The following MYRFL variants were observed in gnomAD, a reference collection of about 807,000 sequenced individuals.
The protein encoded by MYRFL is myelin regulatory factor like, also known as myelin regulatory factor-like protein.
MYRFL carries 88 observed loss-of-function variants against 109.4 expected under a neutral mutation model. The observed-to-expected ratio is 0.80, with a 90% CI of 0.68 to 0.96. The LOEUF is 0.96. Among genes scored for constraint, MYRFL ranks in the 40% least tolerant of loss-of-function variants. MYRFL has a pLI of 0.00. For synonymous variants in MYRFL, 324 were observed against 320.9 expected (o/e 1.01, Z -0.10); for missense variants, 957 against 954.9 (o/e 1.00, Z -0.03).
At chr12:69,912,078 A>G (rs10879053) in intron 13 of MYRFL, among the ~76,000 whole-genome samples, 54,166 of 151,940 alleles carry the variant, frequency 0.36, 10,488 homozygotes, top group African/African-American at 0.5. Flanking sequence ...CCTACCAGCC[A>G]CTGTACCACA....
intron 1 of MYRFL, among the ~76,000 whole-genome samples, chr12:69,835,595 T>C (rs376295851): frequency 8.5e-5 from 13 of 152,330 alleles, no homozygotes; most frequent in African/African-American, 2.9e-4. Flanking sequence ...GTTCTGTATA[T>C]GTAGTGGATT....
At chr12:69,888,865 A>C (rs2136336960) in intron 6 of MYRFL, among the ~76,000 whole-genome samples, 1 of 152,356 alleles carries the variant, frequency 6.6e-6, no homozygotes, top group African/African-American at 2.4e-5. Flanking sequence ...TGAGTCAATA[A>C]GCAGTTTCCA....
At chr12:69,913,676 C>G (rs1422345931) in intron 13 of MYRFL, among the ~76,000 whole-genome samples, 1 of 152,142 alleles carries the variant, frequency 6.6e-6, no homozygotes, top group Non-Finnish European at 1.5e-5. Context: ...TATGCCAGTA[C>G]CACACTGTTT....
chr12:69,926,627 C>A lies in MYRFL; in HGVS notation c.1659C>A (p.Asn553Lys), dbSNP rs1452899162. The A allele has an allele frequency of 6.5e-7, 1 of 1,528,728 alleles. No individual in the cohort carries two copies. The highest frequency in any genetic ancestry group is 1.4e-5 in the African/African-American group (1 of 72,796). The allele number at this position is 1,528,728 out of a possible 1,614,324, so 94.7% of individuals were successfully genotyped here. ...GAVKQLCKLT[N>K]NLEERIEELE... Reference sequence around the variant, plus strand: ...TGAAGCAACTGTGCAAACTAACTAACAACCTTGAGGAAAGAATAGAAGAGT... The same window carrying A: ...TGAAGCAACTGTGCAAACTAACTAAAAACCTTGAGGAAAGAATAGAAGAGT... The change falls in exon 14 of 25, where the codon AAC becomes AAA. Residue 553 changes from asparagine to lysine, a missense_variant. Transcript: ENST00000552032.
At chr12:69,887,092 T>G (rs961952204) in intron 6 of MYRFL, 122 bp downstream of exon 6, 11 of 1,042,086 alleles carry the variant, frequency 1.1e-5, no homozygotes, top group Non-Finnish European at 1.5e-5. Context: ...AGTGAGAAAG[T>G]GTCTGTCTTA....
At chr12:69,912,027 AG>A (rs1406544093) in intron 13 of MYRFL, among the ~76,000 whole-genome samples, 1 of 152,216 alleles carries the variant, frequency 6.6e-6, no homozygotes, top group East Asian at 1.9e-4. Context: ...GCAGCAAAGC[AG>A]AGGATGCCTT....
intron 13 of MYRFL, among the ~76,000 whole-genome samples, chr12:69,923,401 A>G (rs1473380364): frequency 6.6e-6 from 1 of 152,190 alleles, no homozygotes; most frequent in Non-Finnish European, 1.5e-5. Context: ...CTTTTTAGTT[A>G]ATGTAGCTAG....
intron 1 of MYRFL, among the ~76,000 whole-genome samples, chr12:69,853,723 A>T (rs1436863041): frequency 8.1e-6 from 1 of 123,442 alleles, no homozygotes; most frequent in Non-Finnish European, 1.7e-5. Flanking sequence ...GGCAGCCGGG[A>T]AGAGGCGCTC....
At position 69,890,961 on chromosome 12, in the gene MYRFL, C is replaced by G; in HGVS notation, c.708-10C>G. 1 of 1,439,264 alleles carries G rather than the reference C, an allele frequency of 6.9e-7. No homozygotes were observed. The highest frequency in any genetic ancestry group is 9.1e-7 in the Non-Finnish European group (1 of 1,099,886). The allele number at this position is 1,439,264 out of a possible 1,614,324, so 89.2% of individuals were successfully genotyped here. ...TTGTAAAACTGGTTTCTTGGTTTCT[C>G]TTTTCATAGACCTGATGTGGGCTAT... On this transcript the variant is annotated splice_polypyrimidine_tract_variant and intron_variant, in intron 6 of 24. Transcript: ENST00000552032.
At chr12:69,845,289 G>A (rs1883461642) in intron 1 of MYRFL, among the ~76,000 whole-genome samples, 1 of 152,120 alleles carries the variant, frequency 6.6e-6, no homozygotes, top group Non-Finnish European at 1.5e-5. Flanking sequence ...TTTCACAGCT[G>A]GGTCCCCAGA....
intron 14 of MYRFL, among the ~76,000 whole-genome samples, 198 bp downstream of exon 14, chr12:69,926,932 GGT>G (rs574014921): frequency 0.011 from 829 of 76,840 alleles, 286 homozygotes; most frequent in African/African-American, 0.037. Context: ...TTCTGTTGCT[GGT>G]TTTTTTTTTT....
At chr12:69,853,273 C>T (rs1884011427) in intron 1 of MYRFL, among the ~76,000 whole-genome samples, 1 of 151,930 alleles carries the variant, frequency 6.6e-6, no homozygotes, top group South Asian at 2.1e-4. Context: ...CCCCCATCTC[C>T]TGGACAGGGC....
At chr12:69,925,151 G>T (rs571247572) in intron 13 of MYRFL, among the ~76,000 whole-genome samples, 1 of 152,136 alleles carries the variant, frequency 6.6e-6, no homozygotes, top group Non-Finnish European at 1.5e-5. Context: ...GAGATACTGG[G>T]TATGATGGGA....
chr12:69,854,506 C>T (rs1156655020), intron 1 of MYRFL, among the ~76,000 whole-genome samples: 1 of 152,118 alleles, frequency 6.6e-6, no homozygotes, highest in East Asian at 1.9e-4. Flanking sequence ...GCCTCAGCCT[C>T]CTGAGTAGCT....
chr12:69,834,585 G>A (rs1202687010), intron 1 of MYRFL, among the ~76,000 whole-genome samples: 1 of 152,200 alleles, frequency 6.6e-6, no homozygotes, highest in Non-Finnish European at 1.5e-5. Flanking sequence ...AGAATAAATG[G>A]TAGTGGTTTT....
chr12:69,842,788 A>G (rs1381105991), intron 1 of MYRFL, among the ~76,000 whole-genome samples: 1 of 152,230 alleles, frequency 6.6e-6, no homozygotes. Context: ...CTCAGGTGTC[A>G]CTGATAGGAA....
intron 2 of MYRFL, among the ~76,000 whole-genome samples, chr12:69,869,320 A>G (rs572671361): frequency 2.0e-5 from 3 of 152,332 alleles, no homozygotes; most frequent in East Asian, 1.9e-4. Context: ...TCTACAGACA[A>G]TGCATTTCCT....
chr12:69,833,970 G>T (rs1039637866), intron 1 of MYRFL, among the ~76,000 whole-genome samples: 2 of 151,596 alleles, frequency 1.3e-5, no homozygotes, highest in Admixed American at 6.6e-5. Context: ...GTGGTAAAAA[G>T]GTAATGGTTT....
intron 2 of MYRFL, among the ~76,000 whole-genome samples, chr12:69,862,765 G>T (rs1432030558): frequency 6.6e-6 from 1 of 152,116 alleles, no homozygotes; most frequent in Admixed American, 6.5e-5. Flanking sequence ...TGATTGCCCT[G>T]GCCAGAACTT....
Sources: allele counts gnomAD v4.1 joint callset (sites outside exome capture counted in the v4.1 genomes callset), GRCh38; gene constraint gnomAD v4.1.1; transcripts MANE v1.5; gene names NCBI Gene and HGNC (gene_info 2026-07-23, HGNC 2026-07-21).